Variants in DPYSL2 observed in about 807,000 individuals in gnomAD.
DPYSL2 encodes the protein dihydropyrimidinase-related protein 2.
Under a neutral mutation model 69.9 loss-of-function variants are expected in DPYSL2, and 13 were observed. The ratio of observed to expected loss-of-function variants is 0.19; its 90% confidence interval spans 0.12 to 0.30. The LOEUF (loss-of-function observed/expected upper bound fraction) is 0.30, where lower values mean the gene tolerates loss of function less well. DPYSL2 is among the 10% of genes least tolerant of loss of function. DPYSL2 has a pLI of 1.00. For synonymous variants in DPYSL2, 326 were observed against 359.1 expected, an observed-to-expected ratio of 0.91 and a Z score of 1.04; for missense variants, 587 against 918.9, an observed-to-expected ratio of 0.64 and a Z score of 4.67.
chr8:26,643,481 C>T lies in DPYSL2; in HGVS notation c.1169C>T (p.Thr390Met), dbSNP rs199869101. The stretch of plus-strand genomic sequence containing the variant: ...GAGCCCATCACTGCCAGCTTGGGAA[C>T]GGACGGCTCCCATTACTGGAGCAAG... ...YGEPITASLGTDGSHYWSKNW... is the reference protein window; with the variant it reads ...YGEPITASLGMDGSHYWSKNW... The change falls in exon 9 of 14, where the codon ACG (threonine) becomes ATG (methionine). Residue 390 changes from threonine (T) to methionine (M), a missense_variant. By Grantham distance (81) the Thr-to-Met change is moderately conservative. Around this residue, in one of 3 missense-constraint regions of DPYSL2, gnomAD observed 452 missense variants for 754.3 expected, o/e 0.60. Coordinates refer to ENST00000521913, the MANE Select transcript of DPYSL2 (RefSeq NM_001197293.3). This position sits in a 1 kb window ranked among gnomAD's most constrained non-coding sequence, Gnocchi z 6.5. The T allele has an allele frequency of 3.3e-5, 53 of 1,609,878 alleles. No homozygotes were observed. The highest frequency in any genetic ancestry group is 3.3e-4 in the Middle Eastern group (2 of 6,048).
Position 26,648,492 on chromosome 8 carries a change from C to A in DPYSL2, c.1596+692C>A, listed in dbSNP as rs1238921139. Among the ~76,000 whole-genome samples, 1 of 152,170 alleles carries A rather than the reference C, an allele frequency of 6.6e-6. No homozygotes were observed. Among genetic ancestry groups the A allele is most frequent in the African/African-American group, 2.4e-5 (1 of 41,442 alleles). On this transcript the variant is annotated intron_variant, in intron 11 of 13. Coordinates refer to ENST00000521913, the MANE Select transcript of DPYSL2 (RefSeq NM_001197293.3). The surrounding 1 kb of genome is among the most constrained non-coding windows in gnomAD (Gnocchi z 4.3). ...GGGTTCAGACGAGGTCTCCAAGTGT[C>A]CTGTGATTCTGTGAGGTCAGCAGAC...
rs934437404 is a variant in DPYSL2, at chr8:26,650,567, T to G, written c.1597-1690T>G. Among the ~76,000 whole-genome samples the G allele has an allele frequency of 1.3e-5, 2 of 152,230 alleles. No individual in the cohort carries two copies. Among genetic ancestry groups the G allele is most frequent in the Non-Finnish European group, 2.9e-5 (2 of 68,042 alleles). ...AATCTCCCCAGAGTCACACAACTTC[T>G]GGATTTTACCGTATCTGAGATGCCA... On this transcript the variant is annotated intron_variant, in intron 11 of 13. Transcript: ENST00000521913. The surrounding 1 kb of genome is among the most constrained non-coding windows in gnomAD (Gnocchi z 5.3).
chr8:26,530,081 C>T (rs188493847), intron 1 of DPYSL2, among the ~76,000 whole-genome samples: 159 of 127,568 alleles, frequency 1.2e-3, no homozygotes, highest in Admixed American at 6.5e-3. Context: ...CATTGCACTC[C>T]AGCTTGGGCA....
intron 11 of DPYSL2, among the ~76,000 whole-genome samples, chr8:26,651,978 A>G (rs1803287481): frequency 6.6e-6 from 1 of 152,242 alleles, no homozygotes; most frequent in African/African-American, 2.4e-5. Context: ...CATTTTCTTT[A>G]TATTTGTGTA....
At chr8:26,535,635 ATTTT>A (rs1011684866) in intron 1 of DPYSL2, among the ~76,000 whole-genome samples, 5 of 145,864 alleles carry the variant, frequency 3.4e-5, no homozygotes, top group Non-Finnish European at 3.0e-5. Context: ...ATATATATAT[ATTTT>A]TTTTTTCAGT....
chr8:26,576,993 CAT>C, intron 1 of DPYSL2: 1 of 309,690 alleles, frequency 3.2e-6, no homozygotes, highest in Non-Finnish European at 6.4e-6. Flanking sequence ...GATCGCGCCA[CAT>C]CGGCCTCGGC....
At chr8:26,567,875 C>A (rs1393915752) in intron 1 of DPYSL2, among the ~76,000 whole-genome samples, 2 of 152,236 alleles carry the variant, frequency 1.3e-5, no homozygotes, top group South Asian at 4.1e-4. Context: ...GTGTTATTTT[C>A]TTCCATCAGT....
intron 1 of DPYSL2, among the ~76,000 whole-genome samples, chr8:26,581,599 C>G (rs1354379456): frequency 6.6e-6 from 1 of 152,072 alleles, no homozygotes; most frequent in African/African-American, 2.4e-5. Context: ...GTCTCAAACT[C>G]CTGACCTCAG....
At chr8:26,574,929 TTTTG>T (rs796991080) in intron 1 of DPYSL2, among the ~76,000 whole-genome samples, 25 of 152,152 alleles carry the variant, frequency 1.6e-4, no homozygotes, top group African/African-American at 4.8e-4. Flanking sequence ...AGCTAATTTA[TTTTG>T]TTTGTTTTTG....
At position 26,617,664 on chromosome 8, in the gene DPYSL2, G is replaced by T. The variant is rs557172778; in HGVS notation, c.629-6479G>T. ...AACATTAGGGAACCGCTTGAGGCAG[G>T]AGGGGAAGGAAGCACTGATTCTCGC... On this transcript the variant is annotated intron_variant, in intron 3 of 13. Transcript: ENST00000521913. The surrounding 1 kb of genome is among the most constrained non-coding windows in gnomAD (Gnocchi z 4.7). 6.0e-4 allele frequency among the ~76,000 whole-genome samples: 92 copies of T among 152,344 alleles called. No homozygotes were observed. Among genetic ancestry groups the T allele is most frequent in the African/African-American group, 2.1e-3 (88 of 41,574 alleles).
chr8:26,636,739 ATTTAT>A, intron 8 of DPYSL2, among the ~76,000 whole-genome samples: 1 of 151,466 alleles, frequency 6.6e-6, no homozygotes. Flanking sequence ...GTTTTTTTTA[ATTTAT>A]TTTATTTTAT....
chr8:26,540,857 A>G (rs1375010473), intron 1 of DPYSL2, among the ~76,000 whole-genome samples: 1 of 150,240 alleles, frequency 6.7e-6, no homozygotes, highest in Non-Finnish European at 1.5e-5. Context: ...GTGGGCTGAG[A>G]TCATGCCATT....
chr8:26,566,051 C>T (rs553028741), intron 1 of DPYSL2, among the ~76,000 whole-genome samples: 2 of 152,322 alleles, frequency 1.3e-5, no homozygotes, highest in East Asian at 1.9e-4. Flanking sequence ...AGCTAGTGGC[C>T]TCTGCTACAT....
chr8:26,557,903 C>G (rs983216927), intron 1 of DPYSL2, among the ~76,000 whole-genome samples: 96 of 151,832 alleles, frequency 6.3e-4, no homozygotes, highest in Non-Finnish European at 6.5e-4. Flanking sequence ...TTCATCCTCA[C>G]CAGCAATGGA....
At chr8:26,574,920 G>A (rs2129701569) in intron 1 of DPYSL2, among the ~76,000 whole-genome samples, 1 of 152,150 alleles carries the variant, frequency 6.6e-6, no homozygotes, top group East Asian at 1.9e-4. Context: ...ACCACACTCA[G>A]CTAATTTATT....
At chr8:26,645,921 A>G (rs1168226079) in intron 10 of DPYSL2, among the ~76,000 whole-genome samples, 3 of 151,354 alleles carry the variant, frequency 2.0e-5, no homozygotes, top group Admixed American at 1.3e-4. Flanking sequence ...GCTGGAGTGC[A>G]ATGGCGTGAT....
At chr8:26,531,062 GA>G (rs11343463) in intron 1 of DPYSL2, among the ~76,000 whole-genome samples, 85,749 of 132,910 alleles carry the variant, frequency 0.65, 27,747 homozygotes, top group East Asian at 0.93. Flanking sequence ...TCGTCTCAAA[GA>G]AAAAAAAAAA....
chr8:26,599,350 G>A (rs763148040), intron 3 of DPYSL2, among the ~76,000 whole-genome samples: 1 of 152,132 alleles, frequency 6.6e-6, no homozygotes, highest in Non-Finnish European at 1.5e-5. Flanking sequence ...TAGGATTTCT[G>A]TCCATGATTG....
In DPYSL2 at chr8:26,587,414, G is replaced by T. The variant is rs1227529740; in HGVS notation, c.628+3431G>T. On this transcript the variant is annotated intron_variant, in intron 3 of 13. Transcript: ENST00000521913. This position sits in a 1 kb window ranked among gnomAD's most constrained non-coding sequence, Gnocchi z 4.2. ...GGCTTTCTGGCCTTCTCCAGACCAT[G>T]TCACCATGTCACCTGCCCTCACGGG... 6.6e-6 allele frequency among the ~76,000 whole-genome samples: 1 copy of T among 152,122 alleles called. No individual in the cohort carries two copies. Among genetic ancestry groups the T allele is most frequent in the Non-Finnish European group, 1.5e-5 (1 of 68,026 alleles).
Sources: allele counts gnomAD v4.1 joint callset (sites outside exome capture counted in the v4.1 genomes callset), GRCh38; gene constraint gnomAD v4.1.1; regional missense constraint gnomAD v4.1.1; non-coding constraint Gnocchi (gnomAD v3.1); transcripts MANE v1.5; gene names NCBI Gene and HGNC (gene_info 2026-07-23, HGNC 2026-07-21).